The following EFCAB6 variants were observed in gnomAD, a reference collection of about 807,000 sequenced individuals.
The protein encoded by EFCAB6 is EF-hand calcium-binding domain-containing protein 6.
A neutral mutation model predicts 169.8 loss-of-function variants in EFCAB6; 156 were observed. The observed-to-expected ratio is 0.92, with a 90% confidence interval of 0.81 to 1.05. The LOEUF (loss-of-function observed/expected upper bound fraction) is 1.05, where lower values mean the gene tolerates loss of function less well. Ranked by LOEUF, EFCAB6 falls within the 50% of genes least tolerant of loss-of-function variation. The pLI is 0.00. For missense variants in EFCAB6, 1,800 were observed against 1,829.1 expected, an observed-to-expected ratio of 0.98 and a Z score of 0.29; for synonymous variants, 698 against 676.4, an observed-to-expected ratio of 1.03 and a Z score of -0.50.
In EFCAB6 at chr22:43,656,664, G is replaced by C. The variant is rs545832668; in HGVS notation, c.1983+10440C>G. Among the ~76,000 whole-genome samples the C allele has an allele frequency of 9.3e-4, 142 of 152,256 alleles. 1 individual carries two copies. The highest frequency in any genetic ancestry group is 1.8e-3 in the Non-Finnish European group (125 of 68,022). ...ACCATGCTGTACAGATCTGTAGCCT[G>C]AAAGCAATAGGTTATACCACATAGC... On this transcript the variant is annotated intron_variant, in intron 17 of 31. Coordinates refer to ENST00000262726, the MANE Select transcript of EFCAB6 (RefSeq NM_022785.4).
chr22:43,735,944 A>ACAT lies in EFCAB6; in HGVS notation c.554_556dup (p.Asp185dup). ...CGGTCGAACCAGTCCAGTCTTGTTA[A>ACAT]CATCAATGAGCTCAAAGGCTTTCAT... On this transcript the variant is annotated inframe_insertion, in exon 7 of 32. Coordinates refer to ENST00000262726, the MANE Select transcript of EFCAB6 (RefSeq NM_022785.4). The ACAT allele has an allele frequency of 6.2e-7, 1 of 1,614,214 alleles. No homozygotes were observed. The highest frequency in any genetic ancestry group is 8.5e-7 in the Non-Finnish European group (1 of 1,180,038).
chr22:43,731,158 T>C (rs1053142604), intron 8 of EFCAB6, among the ~76,000 whole-genome samples: 7 of 152,140 alleles, frequency 4.6e-5, no homozygotes, highest in African/African-American at 1.7e-4. Flanking sequence ...CCGACAACCC[T>C]GGGCGTCGTA....
At chr22:43,789,730 G>A (rs1253475242) in intron 2 of EFCAB6, among the ~76,000 whole-genome samples, 1 of 152,114 alleles carries the variant, frequency 6.6e-6, no homozygotes, top group Non-Finnish European at 1.5e-5. Flanking sequence ...GGGAATTTTA[G>A]TCTGACTCAT....
intron 26 of EFCAB6, among the ~76,000 whole-genome samples, chr22:43,557,729 G>A (rs550662850): frequency 3.2e-4 from 49 of 152,118 alleles, no homozygotes; most frequent in African/African-American, 1.2e-3. Flanking sequence ...AAAAATAAAA[G>A]TCAGTCTAGT....
At chr22:43,787,276 C>T (rs1259884421) in intron 2 of EFCAB6, among the ~76,000 whole-genome samples, 3 of 151,830 alleles carry the variant, frequency 2.0e-5, no homozygotes, top group Non-Finnish European at 4.4e-5. Flanking sequence ...GAAAAACTAC[C>T]TCTATTTGCA....
chr22:43,721,181 A>G (rs937649570), intron 8 of EFCAB6, among the ~76,000 whole-genome samples: 2 of 152,224 alleles, frequency 1.3e-5, no homozygotes, highest in African/African-American at 4.8e-5. Context: ...GAGGTGAAAG[A>G]TCTCTACAAG....
At chr22:43,763,535 A>G (rs755669540) in intron 5 of EFCAB6, among the ~76,000 whole-genome samples, 5 of 152,166 alleles carry the variant, frequency 3.3e-5, no homozygotes, top group Non-Finnish European at 7.4e-5. Flanking sequence ...TCTTACACCT[A>G]AACTGCATCA....
chr22:43,650,111 G>T (rs2056393951), intron 17 of EFCAB6, among the ~76,000 whole-genome samples: 2 of 152,154 alleles, frequency 1.3e-5, no homozygotes, highest in Admixed American at 1.3e-4. Context: ...TCACCTTGTG[G>T]TCCTGAGGAA....
intron 22 of EFCAB6, among the ~76,000 whole-genome samples, chr22:43,606,718 C>T (rs1002825250): frequency 3.3e-5 from 5 of 152,214 alleles, no homozygotes; most frequent in African/African-American, 1.2e-4. Context: ...GTGGACAAAA[C>T]TCTGACTGCA....
chr22:43,766,007 G>A (rs1410902662), intron 4 of EFCAB6, among the ~76,000 whole-genome samples: 3 of 152,074 alleles, frequency 2.0e-5, no homozygotes, highest in Non-Finnish European at 4.4e-5. Context: ...TATGATACAA[G>A]CAACTTCCCC....
intron 27 of EFCAB6, among the ~76,000 whole-genome samples, chr22:43,548,673 C>G (rs959442031): frequency 6.9e-6 from 1 of 145,724 alleles, no homozygotes; most frequent in African/African-American, 2.6e-5. Context: ...TAAAAATGGA[C>G]AGAATAATAA....
chr22:43,667,079 A>G (rs1016579797), intron 17 of EFCAB6, 25 bp downstream of exon 17: 7 of 1,605,802 alleles, frequency 4.4e-6, no homozygotes, highest in Non-Finnish European at 6.0e-6. Flanking sequence ...GCAGGATAGA[A>G]ACAAAGAGAA....
At chr22:43,663,292 C>G (rs1018982825) in intron 17 of EFCAB6, among the ~76,000 whole-genome samples, 26 of 152,256 alleles carry the variant, frequency 1.7e-4, no homozygotes, top group African/African-American at 6.0e-4. Flanking sequence ...TTTAACATTC[C>G]CAAGCCTTTA....
At chr22:43,679,603 T>C (rs2057921357) in intron 12 of EFCAB6, among the ~76,000 whole-genome samples, 1 of 152,214 alleles carries the variant, frequency 6.6e-6, no homozygotes, top group Non-Finnish European at 1.5e-5. Context: ...TCACTAGCAG[T>C]ATATGAGAGT....
chr22:43,737,484 A>G lies in EFCAB6; in HGVS notation c.508-1491T>C, dbSNP rs13053378. ...CACACCCCTGTGCATATATTCACAC[A>G]CACACCACTCACACCCATATATTCA... On this transcript the variant is annotated intron_variant, in intron 6 of 31. Transcript: ENST00000262726. Among the ~76,000 whole-genome samples, 62 of 143,374 alleles carry G rather than the reference A, an allele frequency of 4.3e-4. No homozygotes were observed. In the South Asian group the frequency reaches 8.0e-3, roughly 19 times the overall value. The allele number at this position is 143,374 out of a possible 152,430, so 94.1% of individuals were successfully genotyped here. A position where few individuals can be genotyped will look rare whatever the true frequency, so the allele number is the denominator to read the frequency against.
In EFCAB6 at chr22:43,580,570, T is replaced by G. The variant is rs1348821055; in HGVS notation, c.3122A>C (p.Lys1041Thr). ...ENSKSTGAQP[K>T]EKEESMPINF... ...GATTGGCATGCTCTCTTCTTTTTCCTTGGGCTGAGCTCCTGTTGACTTGCT... is the reference window on the plus strand; with the variant it reads ...GATTGGCATGCTCTCTTCTTTTTCCGTGGGCTGAGCTCCTGTTGACTTGCT... Residue 1041 changes from lysine to threonine, a missense_variant, in exon 25 of 32, where the codon AAG (lysine) becomes ACG (threonine). By Grantham distance (78) the Lys-to-Thr change is moderately conservative (BLOSUM62 -1). Coordinates refer to ENST00000262726, the MANE Select transcript of EFCAB6 (RefSeq NM_022785.4). The G allele has an allele frequency of 6.2e-7, 1 of 1,614,080 alleles. No homozygotes were observed.
intron 10 of EFCAB6, among the ~76,000 whole-genome samples, chr22:43,689,357 A>G (rs2058322914): frequency 6.6e-6 from 1 of 151,708 alleles, no homozygotes; most frequent in African/African-American, 2.4e-5. Context: ...GTGCACACAC[A>G]CACACACACA....
At chr22:43,535,818 A>T (rs2047352283) in intron 29 of EFCAB6, 1 of 152,232 alleles carries the variant, frequency 6.6e-6, no homozygotes, top group Admixed American at 6.5e-5. Context: ...AGCCAGGCCA[A>T]GAGAGGCTGT....
At chr22:43,663,192 C>A (rs86607) in intron 17 of EFCAB6, among the ~76,000 whole-genome samples, 2 of 151,996 alleles carry the variant, frequency 1.3e-5, no homozygotes, top group African/African-American at 4.8e-5. Flanking sequence ...TAATTACTAT[C>A]GCTGTTATTG....
Sources: gnomAD v4.1 joint callset for allele counts (sites outside exome capture counted in the v4.1 genomes callset) on GRCh38, gnomAD v4.1.1 for gene constraint, MANE v1.5 for transcripts, NCBI Gene and HGNC (gene_info 2026-07-23, HGNC 2026-07-21) for gene names.